TTBK2: variants seen among roughly 807,000 people sequenced by gnomAD.
The protein encoded by TTBK2 is tau-tubulin kinase 2.
In TTBK2, 28 loss-of-function variants were observed where a neutral mutation model predicts 110.8. The ratio of observed to expected loss-of-function variants is 0.25; its 90% CI spans 0.19 to 0.35. TTBK2 has a LOEUF of 0.35. Ranked by LOEUF, TTBK2 falls within the 10% of genes least tolerant of loss-of-function variation. TTBK2 has a pLI of 1.00. For synonymous variants in TTBK2, 532 were observed against 527.3 expected (o/e 1.01, Z -0.12); for missense variants, 1,369 against 1,500.3 (o/e 0.91, Z 1.45).
rs1296634603 is a variant in TTBK2, at chr15:42,880,009, AAAAAG to A, written c.-67-1330_-67-1326del. On this transcript the variant is annotated intron_variant, in intron 1 of 14. Transcript: ENST00000267890. ...AAGATCCTGTCTCAAAAAAAAAAAA[AAAAAG>A]AAAAGAAAAGAAAAACAGGATGGAA... 2.2e-3 allele frequency among the ~76,000 whole-genome samples: 341 copies of A among 151,884 alleles called. 1 individual carries two copies. The East Asian group carries it at 0.039, about 17-fold the overall frequency.
intron 14 of TTBK2, among the ~76,000 whole-genome samples, 188 bp from the exon 15 acceptor site, chr15:42,746,445 A>G (rs891898217): frequency 2.0e-5 from 3 of 152,184 alleles, no homozygotes; most frequent in Non-Finnish European, 2.9e-5. Context: ...CCTGCTTTCA[A>G]TGGGAATACT....
chr15:42,759,506 CCA>C (rs1040347032), intron 13 of TTBK2, among the ~76,000 whole-genome samples: 16 of 152,214 alleles, frequency 1.1e-4, no homozygotes, highest in African/African-American at 3.4e-4. Context: ...GGCCCCAACC[CCA>C]GTGAGCCAGA....
intron 4 of TTBK2, among the ~76,000 whole-genome samples, chr15:42,833,853 C>G (rs1289928757): frequency 1.3e-5 from 2 of 151,956 alleles, no homozygotes; most frequent in Non-Finnish European, 2.9e-5. Flanking sequence ...ACTAAAAATA[C>G]AAAAATTAGC....
At chr15:42,789,669 G>A (rs545278463) in intron 10 of TTBK2, among the ~76,000 whole-genome samples, 1 of 152,234 alleles carries the variant, frequency 6.6e-6, no homozygotes, top group South Asian at 2.1e-4. Context: ...AGGAGGCGGA[G>A]GTTGCAGTGA....
At position 42,783,460 on chromosome 15, in the gene TTBK2, T is replaced by C. The variant is rs747137994; in HGVS notation, c.1156A>G (p.Met386Val). ...TTTATCTTGTTTTTGTTGGCATCCA[T>C]CTCTTCCCAAACATCCTTCTCCTGG... Reference protein sequence around the residue: ...RPQEKDVWEEMDANKNKIKLG... With the variant: ...RPQEKDVWEEVDANKNKIKLG... The change falls in exon 11 of 15, where the codon ATG (methionine) becomes GTG (valine). Residue 386 changes from methionine (M) to valine (V), a missense_variant. By Grantham distance (21) the Met-to-Val change is conservative. Around this residue, in one of 4 missense-constraint regions of TTBK2, gnomAD observed 1,097 missense variants for 1,114.7 expected, o/e 0.98. Transcript: ENST00000267890. The C allele has an allele frequency of 1.2e-6, 2 of 1,614,162 alleles. No homozygotes were observed. Among genetic ancestry groups the C allele is most frequent in the Non-Finnish European group, 1.7e-6 (2 of 1,180,028 alleles).
intron 10 of TTBK2, among the ~76,000 whole-genome samples, chr15:42,783,913 T>C (rs1567021511): frequency 6.6e-6 from 1 of 151,674 alleles, no homozygotes; most frequent in Non-Finnish European, 1.5e-5. Context: ...AATACAAAAA[T>C]TAGCTGGGCG....
chr15:42,920,253 C>T (rs1159520831), intron 1 of TTBK2, among the ~76,000 whole-genome samples, 185 bp downstream of exon 1: 2 of 152,176 alleles, frequency 1.3e-5, no homozygotes, highest in African/African-American at 4.8e-5. Flanking sequence ...CGGGCAGAAC[C>T]AGAACGATCT....
chr15:42,745,743 A>C lies in TTBK2; in HGVS notation c.*52T>G, dbSNP rs372671783. The C allele has an allele frequency of 6.2e-7, 1 of 1,600,620 alleles. No individual in the cohort carries two copies. Among genetic ancestry groups the C allele is most frequent in the Non-Finnish European group, 8.6e-7 (1 of 1,168,980 alleles). Reference sequence around the variant, plus strand: ...ATAGAAAGTACAGGGACACACATGCATCAGGTTTAGGAGGAAGATCTCACA... The same window carrying C: ...ATAGAAAGTACAGGGACACACATGCCTCAGGTTTAGGAGGAAGATCTCACA... On this transcript the variant is annotated 3_prime_UTR_variant, in exon 15 of 15. Transcript: ENST00000267890.
In TTBK2 at chr15:42,771,206, C is replaced by CTCGT. The variant is rs564558256; in HGVS notation, c.1998+3925_1998+3928dup. Among the ~76,000 whole-genome samples the CTCGT allele has an allele frequency of 3.4e-3, 524 of 152,110 alleles. 2 individuals carry two copies. Among genetic ancestry groups the CTCGT allele is most frequent in the African/African-American group, 0.012 (499 of 41,506 alleles). ...GCCAGGCTGGTCTTGAACTCCTGAC[C>CTCGT]TCGTGATCCGCCAGCCTTGGCCTCC... On this transcript the variant is annotated intron_variant, in intron 13 of 14. Transcript: ENST00000267890.
chr15:42,777,073 G>A lies in TTBK2; in HGVS notation c.1367C>T (p.Thr456Ile). The A allele has an allele frequency of 6.2e-7, 1 of 1,614,114 alleles. No homozygotes were observed. The highest frequency in any genetic ancestry group is 2.2e-5 in the East Asian group (1 of 44,888). Residue 456 changes from threonine (T) to isoleucine (I), a missense_variant, in exon 12 of 15, where the codon ACC becomes ATC. Coordinates refer to ENST00000267890, the MANE Select transcript of TTBK2 (RefSeq NM_173500.4). Reference sequence around the variant, plus strand: ...GTCAGTGTCTGGCTTTGGCTCCAGGGTCAGACGTTTTTCCAGCTCAAAGCT... The same window carrying A: ...GTCAGTGTCTGGCTTTGGCTCCAGGATCAGACGTTTTTCCAGCTCAAAGCT... ...IHSFELEKRL[T>I]LEPKPDTDKF... is the part of the protein sequence containing the mutation.
intron 11 of TTBK2, among the ~76,000 whole-genome samples, chr15:42,779,401 C>T (rs1324167937): frequency 2.1e-5 from 3 of 142,332 alleles, no homozygotes; most frequent in Non-Finnish European, 3.0e-5. Flanking sequence ...AAAGCAAAAC[C>T]CTGTCACAAA....
In TTBK2 at chr15:42,741,778, A is replaced by G. The variant is rs2061752955; in HGVS notation, c.*4017T>C. 1.3e-5 allele frequency: 2 copies of G among 152,144 alleles called. No individual in the cohort carries two copies. The highest frequency in any genetic ancestry group is 1.3e-4 in the Admixed American group (2 of 15,268). The allele number at this position is 152,144 out of a possible 1,614,324, so 9.4% of individuals were successfully genotyped here. ...GTAAATTTTCAAACAGCCAGGGGAA[A>G]ATGCATTTTTTTCACCGAGTCTCAC... On this transcript the variant is annotated 3_prime_UTR_variant, in exon 15 of 15. Transcript: ENST00000267890.
At chr15:42,809,811 G>C (rs1449497159) in intron 9 of TTBK2, among the ~76,000 whole-genome samples, 1 of 152,116 alleles carries the variant, frequency 6.6e-6, no homozygotes, top group Non-Finnish European at 1.5e-5. Context: ...CAATTTCACA[G>C]AGCAATAATT....
chr15:42,875,921 A>AG lies in TTBK2; in HGVS notation c.69+2627_69+2628insC, dbSNP rs1302527781. On this transcript the variant is annotated intron_variant, in intron 2 of 14. Coordinates refer to ENST00000267890, the MANE Select transcript of TTBK2 (RefSeq NM_173500.4). The stretch of plus-strand genomic sequence containing the variant: ...ACTCCGTCTCAAAAAAAAAAAAAAA[A>AG]AAAAAAGAAATGGGACCATCCTGAG... Among the ~76,000 whole-genome samples, 91 of 151,048 alleles carry AG rather than the reference A, an allele frequency of 6.0e-4. 1 individual carries two copies. Among genetic ancestry groups the AG allele is most frequent in the Middle Eastern group, 3.4e-3 (1 of 290 alleles).
In TTBK2 at chr15:42,867,256, A is replaced by G. The variant is rs554654999; in HGVS notation, c.217+5355T>C. Among the ~76,000 whole-genome samples the G allele has an allele frequency of 8.1e-3, 1,223 of 151,308 alleles. 16 individuals are homozygous for G. The highest frequency in any genetic ancestry group is 0.026 in the African/African-American group (1,086 of 41,284). On this transcript the variant is annotated intron_variant, in intron 3 of 14. Coordinates refer to ENST00000267890, the MANE Select transcript of TTBK2 (RefSeq NM_173500.4). ...GGGAGACTCCGTCTCAAAAAAAAAA[A>G]AAAAGAAAAGAAAAGAAAAGAAAGA...
intron 10 of TTBK2, among the ~76,000 whole-genome samples, chr15:42,789,121 C>A (rs1294121143): frequency 6.6e-6 from 1 of 151,956 alleles, no homozygotes; most frequent in Non-Finnish European, 1.5e-5. Context: ...AAAGGTTATT[C>A]CTTATGCTGT....
At chr15:42,917,230 TA>T (rs202093849) in intron 1 of TTBK2, among the ~76,000 whole-genome samples, 69 of 148,786 alleles carry the variant, frequency 4.6e-4, no homozygotes, top group East Asian at 3.9e-4. Context: ...AGACAAAGGT[TA>T]AAAAAAAAAT....
In TTBK2 at chr15:42,744,076, A is replaced by G. The variant is rs1042874462; in HGVS notation, c.*1719T>C. On this transcript the variant is annotated 3_prime_UTR_variant, in exon 15 of 15. Coordinates refer to ENST00000267890, the MANE Select transcript of TTBK2 (RefSeq NM_173500.4). Reference sequence around the variant, plus strand: ...ATAATACAGAAGGACTGATCTTCCAATATTACAGTTGCTTTAGATAAACAG... The same window carrying G: ...ATAATACAGAAGGACTGATCTTCCAGTATTACAGTTGCTTTAGATAAACAG... 6.6e-6 allele frequency: 1 copy of G among 152,246 alleles called. No homozygotes were observed. Among genetic ancestry groups the G allele is most frequent in the Non-Finnish European group, 1.5e-5 (1 of 68,038 alleles). The allele number at this position is 152,246 out of a possible 1,614,324, so 9.4% of individuals were successfully genotyped here. A position where few individuals can be genotyped will look rare whatever the true frequency, so the allele number is the denominator to read the frequency against.
At chr15:42,870,738 G>A (rs1336635396) in intron 3 of TTBK2, among the ~76,000 whole-genome samples, 2 of 151,562 alleles carry the variant, frequency 1.3e-5, no homozygotes, top group Non-Finnish European at 2.9e-5. Flanking sequence ...GTGTATGCCT[G>A]TAGTCCCAGC....
Sources: gnomAD v4.1 joint callset for allele counts (sites outside exome capture counted in the v4.1 genomes callset) on GRCh38, gnomAD v4.1.1 for gene constraint, gnomAD v4.1.1 regional missense constraint, MANE v1.5 for transcripts, NCBI Gene and HGNC (gene_info 2026-07-23, HGNC 2026-07-21) for gene names.